NT5C3A: variants seen among roughly 807,000 people sequenced by gnomAD.
NT5C3A encodes the protein 5'-nucleotidase, cytosolic IIIA.
NT5C3A carries 23 observed loss-of-function variants against 40.0 expected under a neutral mutation model. That is an observed-to-expected ratio of 0.58 (90% CI 0.41 to 0.81). The LOEUF (loss-of-function observed/expected upper bound fraction) is 0.81. Among genes scored for constraint, NT5C3A ranks in the 40% least tolerant of loss-of-function variants. The probability of loss-of-function intolerance (pLI) is 0.00; values close to 1 mark genes in which losing one functional copy is unlikely to be tolerated. For missense variants in NT5C3A, 328 were observed against 403.0 expected (o/e 0.81, Z 1.59); for synonymous variants, 130 against 141.4 (o/e 0.92, Z 0.57).
At chr7:33,025,218 A>G (rs1785852940) in intron 2 of NT5C3A, among the ~76,000 whole-genome samples, 1 of 152,206 alleles carries the variant, frequency 6.6e-6, no homozygotes, top group Non-Finnish European at 1.5e-5. Context: ...GGAATTTGCA[A>G]TTGCAGGTGA....
At chr7:33,048,782 T>G (rs1787254096) in intron 1 of NT5C3A, among the ~76,000 whole-genome samples, 1 of 152,196 alleles carries the variant, frequency 6.6e-6, no homozygotes, top group African/African-American at 2.4e-5. Context: ...TGCTCAAAAT[T>G]TGGCATAATG....
At chr7:33,039,566 T>TTTTTTG (rs1554292237) in intron 1 of NT5C3A, among the ~76,000 whole-genome samples, 1 of 144,594 alleles carries the variant, frequency 6.9e-6, no homozygotes, top group African/African-American at 2.6e-5. Flanking sequence ...TTTTTTGTTT[T>TTTTTTG]TTTTTTTTTT....
intron 1 of NT5C3A, among the ~76,000 whole-genome samples, chr7:33,035,225 G>A (rs1238549347): frequency 3.4e-5 from 4 of 118,094 alleles, no homozygotes; most frequent in South Asian, 2.8e-4. Context: ...ACGGAATCTC[G>A]CTCTGTCGCC....
intron 1 of NT5C3A, among the ~76,000 whole-genome samples, chr7:33,044,109 C>T (rs2128011920): frequency 6.6e-6 from 1 of 152,018 alleles, no homozygotes; most frequent in African/African-American, 2.4e-5. Flanking sequence ...TCACCGCAAC[C>T]TCTGCCTTCC....
intron 2 of NT5C3A, 34 bp from the exon 3 acceptor site, chr7:33,024,142 C>A (rs1457099973): frequency 1.6e-6 from 2 of 1,243,368 alleles, no homozygotes; most frequent in East Asian, 4.7e-5. Flanking sequence ...TTATTGTAAA[C>A]ATAGCCCACA....
At chr7:33,060,631 G>A (rs1048096844) in intron 1 of NT5C3A, among the ~76,000 whole-genome samples, 2 of 152,160 alleles carry the variant, frequency 1.3e-5, no homozygotes, top group Non-Finnish European at 2.9e-5. Context: ...TAGCCAGTTA[G>A]ATAGGCCCAA....
chr7:33,056,899 C>A (rs1004142719), intron 1 of NT5C3A, among the ~76,000 whole-genome samples: 6 of 152,116 alleles, frequency 3.9e-5, no homozygotes, highest in African/African-American at 1.4e-4. Flanking sequence ...GCAACCTCCG[C>A]CTCCTGGATT....
intron 1 of NT5C3A, chr7:33,029,855 C>T: frequency 2.6e-6 from 1 of 378,162 alleles, no homozygotes; most frequent in East Asian, 7.3e-5. Flanking sequence ...GTGTAAGCCA[C>T]CATGCCCAGC....
intron 1 of NT5C3A, chr7:33,041,245 T>C: frequency 4.3e-6 from 2 of 459,882 alleles, no homozygotes; most frequent in Non-Finnish European, 5.7e-6. Context: ...TTCTGATATG[T>C]GAACTTTTCT....
intron 1 of NT5C3A, among the ~76,000 whole-genome samples, chr7:33,047,294 C>A (rs545621748): frequency 2.6e-5 from 4 of 152,230 alleles, no homozygotes; most frequent in African/African-American, 9.6e-5. Context: ...ATATCGAGTA[C>A]ATCTAAATGA....
intron 6 of NT5C3A, among the ~76,000 whole-genome samples, chr7:33,018,481 A>C (rs1785457311): frequency 6.6e-6 from 1 of 152,242 alleles, no homozygotes; most frequent in Non-Finnish European, 1.5e-5. Context: ...CTTAAAATAT[A>C]ACATCATCAT....
At chr7:33,022,937 A>G (rs1266891470) in intron 3 of NT5C3A, among the ~76,000 whole-genome samples, 3 of 148,032 alleles carry the variant, frequency 2.0e-5, no homozygotes, top group African/African-American at 7.5e-5. Flanking sequence ...TTTTTTTTCG[A>G]GACAGGGTCT....
chr7:33,044,582 T>C (rs1415105328), intron 1 of NT5C3A, among the ~76,000 whole-genome samples: 1 of 152,168 alleles, frequency 6.6e-6, no homozygotes, highest in Non-Finnish European at 1.5e-5. Flanking sequence ...GGATCTGAAA[T>C]TCATATGTCA....
intron 2 of NT5C3A, among the ~76,000 whole-genome samples, chr7:33,025,058 G>A (rs1410815836): frequency 6.6e-6 from 1 of 152,154 alleles, no homozygotes; most frequent in African/African-American, 2.4e-5. Flanking sequence ...AGAATCACTT[G>A]AACCTGGGAG....
chr7:33,016,363 GACTC>G (rs1210686129), intron 7 of NT5C3A, among the ~76,000 whole-genome samples: 3 of 136,826 alleles, frequency 2.2e-5, no homozygotes. Context: ...GACAGAGTGA[GACTC>G]TGTCTCAAAA....
chr7:33,051,925 T>C (rs1787385334), intron 1 of NT5C3A, among the ~76,000 whole-genome samples: 1 of 152,164 alleles, frequency 6.6e-6, no homozygotes, highest in African/African-American at 2.4e-5. Context: ...TTAAAAAATA[T>C]ATAAAAGCAA....
chr7:33,032,755 C>T (rs537541236), intron 1 of NT5C3A, among the ~76,000 whole-genome samples: 1 of 149,274 alleles, frequency 6.7e-6, no homozygotes, highest in South Asian at 2.1e-4. Flanking sequence ...CTGCACCTGA[C>T]CTATTTTAAA....
intron 1 of NT5C3A, among the ~76,000 whole-genome samples, chr7:33,033,896 T>TTA (rs1786432265): frequency 2.5e-5 from 3 of 120,158 alleles, no homozygotes; most frequent in Non-Finnish European, 5.0e-5. Flanking sequence ...ATATATATAA[T>TTA]TTTTTTTTTT....
In NT5C3A at chr7:33,014,830, A is replaced by G. The variant is rs752885575; in HGVS notation, c.896T>C (p.Val299Ala). ...CATGTACTTTTCTAAAAGCTCATCC[A>G]CCTAATCAAGAGATGAACAAAAGAA... ...ILKIGYLNDR[V>A]DELLEKYMDS... is the part of the protein sequence containing the mutation. Residue 299 changes from valine to alanine, a missense_variant and splice_region_variant, in exon 9 of 9, where the codon GTG becomes GCG. Val to Ala is a moderately conservative substitution (Grantham distance 64). Around this residue, in one of 3 missense-constraint regions of NT5C3A, gnomAD observed 36 missense variants for 51.1 expected, o/e 0.70. Transcript: ENST00000610140. 3.4e-5 allele frequency: 55 copies of G among 1,610,678 alleles called. 1 individual carries two copies. The highest frequency in any genetic ancestry group is 8.8e-5 in the South Asian group (8 of 91,046).
Sources: allele counts gnomAD v4.1 joint callset (sites outside exome capture counted in the v4.1 genomes callset), GRCh38; gene constraint gnomAD v4.1.1; regional missense constraint gnomAD v4.1.1; transcripts MANE v1.5; gene names NCBI Gene and HGNC (gene_info 2026-07-23, HGNC 2026-07-21).